TAF1B: variants seen among roughly 807,000 people sequenced by gnomAD.
The protein encoded by TAF1B is TATA box-binding protein-associated factor RNA polymerase I subunit B.
TAF1B carries 61 observed loss-of-function variants against 83.9 expected under a neutral mutation model. The observed-to-expected ratio is 0.73, with a 90% CI of 0.59 to 0.90. The LOEUF (loss-of-function observed/expected upper bound fraction) is 0.90, where lower values mean the gene tolerates loss of function less well. Ranked by LOEUF, TAF1B falls within the 40% of genes least tolerant of loss-of-function variation. The probability of loss-of-function intolerance (pLI) is 0.00; values close to 1 mark genes in which losing one functional copy is unlikely to be tolerated. For synonymous variants in TAF1B, 221 were observed against 224.6 expected (o/e 0.98, Z 0.14); for missense variants, 625 against 677.0 (o/e 0.92, Z 0.85).
intron 8 of TAF1B, among the ~76,000 whole-genome samples, chr2:9,888,744 A>C (rs537371109): frequency 3.7e-4 from 34 of 90,834 alleles, no homozygotes; most frequent in African/African-American, 1.6e-3. Flanking sequence ...CACCAATTGG[A>C]TTATTATGTG....
At chr2:9,915,168 A>C (rs917028665) in intron 12 of TAF1B, among the ~76,000 whole-genome samples, 1 of 152,196 alleles carries the variant, frequency 6.6e-6, no homozygotes, top group Non-Finnish European at 1.5e-5. Flanking sequence ...TCTATGCCCT[A>C]ATTGGTGTAT....
At chr2:9,920,787 C>T (rs906458105) in intron 14 of TAF1B, among the ~76,000 whole-genome samples, 2 of 152,066 alleles carry the variant, frequency 1.3e-5, no homozygotes, top group South Asian at 2.1e-4. Context: ...TCGTATCTGT[C>T]GAGTGTGGGC....
At chr2:9,863,755 C>T (rs1263193324) in intron 5 of TAF1B, among the ~76,000 whole-genome samples, 1 of 152,194 alleles carries the variant, frequency 6.6e-6, no homozygotes, top group Non-Finnish European at 1.5e-5. Flanking sequence ...GTCTTTCAGA[C>T]CACAGTGCAA....
Position 9,919,640 on chromosome 2 carries a change from A to G in TAF1B, c.1385A>G (p.Glu462Gly). Reference protein sequence around the residue: ...NLQKQFSTLVESTATAGKKSP... With the variant: ...NLQKQFSTLVGSTATAGKKSP... ...CAGAAACAATTTAGCACACTGGTCG[A>G]GTCAACAGCAACTGCTGGAAAAAAA... The change falls in exon 14 of 15, where the codon GAG becomes GGG. Residue 462 changes from glutamate (E) to glycine (G), a missense_variant. Physicochemically the swap from Glu to Gly is moderately conservative, Grantham distance 98 (BLOSUM62 -2). Transcript: ENST00000263663. 2 of 1,614,184 alleles carry G rather than the reference A, an allele frequency of 1.2e-6. No homozygotes were observed. The highest frequency in any genetic ancestry group is 1.7e-6 in the Non-Finnish European group (2 of 1,180,036).
intron 4 of TAF1B, chr2:9,852,093 C>G (rs538048092): frequency 1.3e-5 from 6 of 465,012 alleles, no homozygotes; most frequent in African/African-American, 4.0e-5. Flanking sequence ...AGTCGTTCAC[C>G]TGAGTGCATC....
At chr2:9,852,901 G>A (rs1663443770) in intron 4 of TAF1B, among the ~76,000 whole-genome samples, 1 of 152,158 alleles carries the variant, frequency 6.6e-6, no homozygotes, top group African/African-American at 2.4e-5. Flanking sequence ...TGGTGGTTGG[G>A]GCAAGTCCAA....
rs564576494 is a variant in TAF1B at position 9,877,020 on chromosome 2, A to G, written c.707+1002A>G. Among the ~76,000 whole-genome samples the G allele has an allele frequency of 1.8e-4, 28 of 152,320 alleles. No homozygotes were observed. In the East Asian group the frequency reaches 4.1e-3, roughly 22 times the overall value. ...TGATAGTGCCTTTGAATTTGGCCAC[A>G]TCAACCAAATAAAAACGCTTTCCTC... On this transcript the variant is annotated intron_variant, in intron 7 of 14. Coordinates refer to ENST00000263663, the MANE Select transcript of TAF1B (RefSeq NM_005680.3).
In TAF1B at chr2:9,855,601, T is replaced by C. The variant is rs965628638; in HGVS notation, c.399+1180T>C. On this transcript the variant is annotated intron_variant, in intron 5 of 14. Coordinates refer to ENST00000263663, the MANE Select transcript of TAF1B (RefSeq NM_005680.3). ...TGGGAGGCTGAGGTGGGAGGATTGC[T>C]TGAGCTTAGGAGGTTGAGGCTGCAG... 3.3e-5 allele frequency among the ~76,000 whole-genome samples: 5 copies of C among 152,186 alleles called. No individual in the cohort carries two copies. The East Asian group carries it at 9.7e-4, about 29-fold the overall frequency.
intron 9 of TAF1B, among the ~76,000 whole-genome samples, chr2:9,908,028 CTTTTT>C (rs57261740): frequency 0.011 from 760 of 71,762 alleles, 128 homozygotes; most frequent in Non-Finnish European, 0.013. Context: ...GATCTTAATT[CTTTTT>C]TTTTTTTTTT....
At chr2:9,889,702 ATAATT>A (rs1664806189) in intron 8 of TAF1B, among the ~76,000 whole-genome samples, 2 of 152,074 alleles carry the variant, frequency 1.3e-5, no homozygotes, top group Non-Finnish European at 2.9e-5. Context: ...GTTCTAGTGT[ATAATT>A]AAGTAACTTG....
chr2:9,875,940 C>T lies in TAF1B; in HGVS notation c.629C>T (p.Thr210Ile). Reference sequence around the variant, plus strand: ...AAGGAGAAGGGAATCGTGAAGATGACCATGCCACAGACACTTGCCTTCTGT... The same window carrying T: ...AAGGAGAAGGGAATCGTGAAGATGATCATGCCACAGACACTTGCCTTCTGT... ...QRKEKGIVKM[T>I]MPQTLAFCYL... Residue 210 changes from threonine to isoleucine, a missense_variant, in exon 7 of 15, where the codon ACC becomes ATC. Physicochemically the swap from Thr to Ile is moderately conservative, Grantham distance 89 (BLOSUM62 -1). Transcript: ENST00000263663. 6.2e-7 allele frequency: 1 copy of T among 1,613,692 alleles called. No individual in the cohort carries two copies. The highest frequency in any genetic ancestry group is 8.5e-7 in the Non-Finnish European group (1 of 1,179,704).
intron 8 of TAF1B, among the ~76,000 whole-genome samples, chr2:9,904,615 G>A (rs1046477768): frequency 6.6e-6 from 1 of 152,176 alleles, no homozygotes; most frequent in African/African-American, 2.4e-5. Context: ...CCAGTAATAG[G>A]TTTGCTGGCT....
chr2:9,848,014 T>C (rs141434496), intron 2 of TAF1B, among the ~76,000 whole-genome samples: 1 of 152,350 alleles, frequency 6.6e-6, no homozygotes, highest in Non-Finnish European at 1.5e-5. Context: ...ATTATAGCTC[T>C]AGTTTTGGAT....
intron 4 of TAF1B, among the ~76,000 whole-genome samples, chr2:9,854,070 T>C (rs1249414597): frequency 6.6e-6 from 1 of 152,218 alleles, no homozygotes; most frequent in Non-Finnish European, 1.5e-5. Context: ...GTGATTCTGA[T>C]GCACACTTAA....
chr2:9,916,559 T>G (rs1021198815), intron 12 of TAF1B, among the ~76,000 whole-genome samples: 2 of 152,218 alleles, frequency 1.3e-5, no homozygotes, highest in Admixed American at 6.5e-5. Context: ...AAGGAATGTT[T>G]AACAGTGAGT....
chr2:9,930,143 A>AT (rs140906271), intron 14 of TAF1B, among the ~76,000 whole-genome samples: 76,835 of 151,622 alleles, frequency 0.51, 22,714 homozygotes, highest in Non-Finnish European at 0.68. Context: ...GGATTCATTG[A>AT]TTTTTTTAAG....
At chr2:9,912,726 G>A (rs553971650) in intron 11 of TAF1B, among the ~76,000 whole-genome samples, 2 of 152,306 alleles carry the variant, frequency 1.3e-5, no homozygotes, top group Admixed American at 1.3e-4. Flanking sequence ...TATTGATGGG[G>A]AGATTGAGGT....
At chr2:9,850,155 A>G (rs941399401) in intron 3 of TAF1B, among the ~76,000 whole-genome samples, 1 of 152,102 alleles carries the variant, frequency 6.6e-6, no homozygotes, top group Non-Finnish European at 1.5e-5. Context: ...GTGACTTTTT[A>G]TTAGGCTAAA....
At chr2:9,860,206 G>A (rs1162504690) in intron 5 of TAF1B, among the ~76,000 whole-genome samples, 1 of 152,122 alleles carries the variant, frequency 6.6e-6, no homozygotes, top group Non-Finnish European at 1.5e-5. Flanking sequence ...ATGAGATTTG[G>A]GTGGGGACAC....
Sources: gnomAD v4.1 joint callset for allele counts (sites outside exome capture counted in the v4.1 genomes callset) on GRCh38, gnomAD v4.1.1 for gene constraint, MANE v1.5 for transcripts, NCBI Gene and HGNC (gene_info 2026-07-23, HGNC 2026-07-21) for gene names.